SSBP4: variants seen among roughly 807,000 people sequenced by gnomAD.
The protein encoded by SSBP4 is single-stranded DNA-binding protein 4.
Under a neutral mutation model 64.6 loss-of-function variants are expected in SSBP4, and 33 were observed. The ratio of observed to expected loss-of-function variants is 0.51; its 90% confidence interval spans 0.39 to 0.68. The LOEUF is 0.68. SSBP4 is among the 30% of genes least tolerant of loss of function. SSBP4 has a pLI of 0.00. For missense variants in SSBP4, 583 were observed against 566.8 expected, an observed-to-expected ratio of 1.03 and a Z score of -0.29; for synonymous variants, 243 against 224.0, an observed-to-expected ratio of 1.08 and a Z score of -0.76.
chr19:18,419,363 G>C (rs1381909394), upstream of SSBP4: 6 of 1,023,388 alleles, frequency 5.9e-6, no homozygotes, highest in Admixed American at 5.7e-5. Flanking sequence ...GAGGCAGCGG[G>C]CGGGGGCGCG....
At chr19:18,428,655 C>T (rs187251770) in intron 4 of SSBP4, among the ~76,000 whole-genome samples, 9 of 152,144 alleles carry the variant, frequency 5.9e-5, no homozygotes, top group Admixed American at 5.9e-4. Context: ...CCGGCTCTGC[C>T]GGTGGGCGTC....
the SSBP4 span, among the ~76,000 whole-genome samples, chr19:18,412,076 G>A: frequency 0.081 from 12,332 of 152,020 alleles, 1,687 homozygotes; most frequent in African/African-American, 0.28. Flanking sequence ...GAGCTGCGAG[G>A]ATCGCTTGAG....
At chr19:18,424,402 C>T (rs995635529) in intron 1 of SSBP4, among the ~76,000 whole-genome samples, 2 of 152,090 alleles carry the variant, frequency 1.3e-5, no homozygotes, top group African/African-American at 4.8e-5. Context: ...CATTGGGGGC[C>T]CAAGACAGAG....
chr19:18,425,286 C>T (rs1460809617), intron 1 of SSBP4, among the ~76,000 whole-genome samples: 1 of 152,140 alleles, frequency 6.6e-6, no homozygotes, highest in East Asian at 1.9e-4. Context: ...AGCAGGACCT[C>T]CCGCTGCCCC....
chr19:18,418,570 A>G (rs2144660158), upstream of SSBP4, among the ~76,000 whole-genome samples: 1 of 152,332 alleles, frequency 6.6e-6, no homozygotes. The surrounding 1 kb of genome is among the most constrained non-coding windows in gnomAD (Gnocchi z 6.7). Flanking sequence ...AGCACCTAGT[A>G]TTGTCACCGG....
chr19:18,420,776 C>T (rs1449780068), intron 1 of SSBP4, among the ~76,000 whole-genome samples: 2 of 151,404 alleles, frequency 1.3e-5, no homozygotes, highest in East Asian at 1.9e-4. Context: ...CCCTTGAACC[C>T]GTGGCGCAGA....
chr19:18,415,327 G>A (rs1245157752), upstream of SSBP4, among the ~76,000 whole-genome samples: 1 of 152,114 alleles, frequency 6.6e-6, no homozygotes, highest in Non-Finnish European at 1.5e-5. Flanking sequence ...AGGAGGGAGG[G>A]AGGCCGTTTC....
Position 18,423,425 on chromosome 19 carries a change from C to T in SSBP4, c.59+3718C>T, listed in dbSNP as rs918012392. Among the ~76,000 whole-genome samples, 2 of 152,000 alleles carry T rather than the reference C, an allele frequency of 1.3e-5. No individual in the cohort carries two copies. Among genetic ancestry groups the T allele is most frequent in the African/African-American group, 4.8e-5 (2 of 41,362 alleles). ...TGCCAAGAAGCTGCCAGAGGCCTGG[C>T]CTTTAGGGTTGGCAGAGGGGAGGGA... On this transcript the variant is annotated intron_variant, in intron 1 of 17. Transcript: ENST00000270061. The surrounding 1 kb of genome is among the most constrained non-coding windows in gnomAD (Gnocchi z 4.0).
chr19:18,420,808 C>G (rs1435036227), intron 1 of SSBP4, among the ~76,000 whole-genome samples: 2 of 151,282 alleles, frequency 1.3e-5, no homozygotes, highest in South Asian at 4.2e-4. Context: ...GCCGAGATCA[C>G]GCCACTGCAC....
chr19:18,403,053 G>T, the SSBP4 span, among the ~76,000 whole-genome samples: 2 of 152,240 alleles, frequency 1.3e-5, no homozygotes, highest in Non-Finnish European at 2.9e-5. Flanking sequence ...GCCCTATGGC[G>T]GGAGGCGAGA....
chr19:18,404,990 C>A, the SSBP4 span, among the ~76,000 whole-genome samples: 7 of 146,110 alleles, frequency 4.8e-5, no homozygotes, highest in Non-Finnish European at 1.1e-4. Flanking sequence ...CAGAGGCCCC[C>A]CCCCCCGCGA....
At chr19:18,420,885 CAGG>C (rs1052002481) in intron 1 of SSBP4, among the ~76,000 whole-genome samples, 6 of 151,856 alleles carry the variant, frequency 4.0e-5, no homozygotes, top group African/African-American at 1.5e-4. Flanking sequence ...AAACAGTGCC[CAGG>C]AGGAGGGGAG....
upstream of SSBP4, among the ~76,000 whole-genome samples, chr19:18,415,456 G>A (rs1166652138): frequency 6.6e-6 from 1 of 152,268 alleles, no homozygotes; most frequent in Non-Finnish European, 1.5e-5. Context: ...AGGACCCAGA[G>A]GAAGGCGGAG....
At chr19:18,403,032 G>A in the SSBP4 span, among the ~76,000 whole-genome samples, 3 of 152,228 alleles carry the variant, frequency 2.0e-5, no homozygotes, top group Admixed American at 2.0e-4. Context: ...TTCTGAGATA[G>A]GAGAAAAACC....
the SSBP4 span, among the ~76,000 whole-genome samples, chr19:18,405,909 T>C: frequency 6.6e-6 from 1 of 151,082 alleles, no homozygotes; most frequent in Non-Finnish European, 1.5e-5. Context: ...GAGAATGGTG[T>C]GCACCTGGGA....
chr19:18,430,431 G>GGGA (rs1319219171), intron 4 of SSBP4, among the ~76,000 whole-genome samples: 2 of 152,188 alleles, frequency 1.3e-5, no homozygotes, highest in Non-Finnish European at 2.9e-5. Flanking sequence ...CCTCCCTCCT[G>GGGA]GACGAAGGGC....
chr19:18,432,876 C>A lies in SSBP4; in HGVS notation c.834C>A (p.Ser278Arg). ...GGPPGTPIMP[S>R]PGDSTNSSEN... ...CCCCTGGAACACCCATCATGCCTAG[C>A]CCTGGAGGTATGGCCTAGTAAGAGG... The change falls in exon 13 of 18, where the codon AGC becomes AGA. Residue 278 changes from serine to arginine, a missense_variant. Coordinates refer to ENST00000270061, the MANE Select transcript of SSBP4 (RefSeq NM_032627.5). 6.2e-7 allele frequency: 1 copy of A among 1,614,002 alleles called. No homozygotes were observed. Among genetic ancestry groups the A allele is most frequent in the Non-Finnish European group, 8.5e-7 (1 of 1,179,988 alleles).
chr19:18,426,380 T>G lies in SSBP4; in HGVS notation c.60-971T>G. Reference sequence around the variant, plus strand: ...TGGTACCCTGTCTTGAATCTAAGAGTCCCCCAACCCCCAGCAGACTCTCGT... The same window carrying G: ...TGGTACCCTGTCTTGAATCTAAGAGGCCCCCAACCCCCAGCAGACTCTCGT... On this transcript the variant is annotated intron_variant, in intron 1 of 17. Coordinates refer to ENST00000270061, the MANE Select transcript of SSBP4 (RefSeq NM_032627.5). The surrounding 1 kb of genome is among the most constrained non-coding windows in gnomAD (Gnocchi z 4.5). Among the ~76,000 whole-genome samples, 1 of 151,342 alleles carries G rather than the reference T, an allele frequency of 6.6e-6. No individual in the cohort carries two copies. The highest frequency in any genetic ancestry group is 6.6e-5 in the Admixed American group (1 of 15,218).
chr19:18,405,350 G>C, the SSBP4 span, among the ~76,000 whole-genome samples: 1 of 152,222 alleles, frequency 6.6e-6, no homozygotes, highest in Admixed American at 6.5e-5. Context: ...CCATGAGGCA[G>C]AGCAGGGGAA....
Sources: allele counts gnomAD v4.1 joint callset (sites outside exome capture counted in the v4.1 genomes callset), GRCh38; gene constraint gnomAD v4.1.1; non-coding constraint Gnocchi (gnomAD v3.1); transcripts MANE v1.5; gene names NCBI Gene and HGNC (gene_info 2026-07-23, HGNC 2026-07-21).